Variants in SUV39H2 observed in about 807,000 individuals in gnomAD.
SUV39H2 encodes SUV39H2 histone lysine methyltransferase.
A neutral mutation model predicts 47.5 loss-of-function variants in SUV39H2; 10 were observed. The observed-to-expected ratio is 0.21, with a 90% CI of 0.13 to 0.36. The LOEUF (loss-of-function observed/expected upper bound fraction) is 0.36. Ranked by LOEUF, SUV39H2 falls within the 10% of genes least tolerant of loss-of-function variation. The pLI is 1.00. For synonymous variants in SUV39H2, 159 were observed against 166.8 expected (o/e 0.95, Z 0.36); for missense variants, 266 against 487.4 (o/e 0.55, Z 4.28).
Position 14,897,296 on chromosome 10 carries a change from T to C in SUV39H2, c.628T>C (p.Leu210=). The C allele has an allele frequency of 6.2e-7, 1 of 1,613,684 alleles. No individual in the cohort carries two copies. Among genetic ancestry groups the C allele is most frequent in the Middle Eastern group, 1.7e-4 (1 of 6,060 alleles). Residue 210 remains leucine, a synonymous_variant, in exon 3 of 6, where the codon TTG becomes CTG. Coordinates refer to ENST00000354919, the MANE Select transcript of SUV39H2 (RefSeq NM_001193424.2). ...KCCPAEAGVL[L]AYNKNQQIKI... Reference sequence around the variant, plus strand: ...TTGTCCTGCTGAAGCTGGAGTTCTTTTGGCTTATAATAAAAACCAACAAAT... The same window carrying C: ...TTGTCCTGCTGAAGCTGGAGTTCTTCTGGCTTATAATAAAAACCAACAAAT...
chr10:14,879,442 T>TC (rs1186484027), intron 1 of SUV39H2, among the ~76,000 whole-genome samples: 1 of 151,840 alleles, frequency 6.6e-6, no homozygotes, highest in African/African-American at 2.4e-5. Flanking sequence ...AAGCGAGGAA[T>TC]CCCCCCCAAG....
At chr10:14,879,151 C>G in intron 1 of SUV39H2, 4 of 1,222,370 alleles carry the variant, frequency 3.3e-6, no homozygotes, top group South Asian at 3.5e-5. Flanking sequence ...GAGCCTGGGG[C>G]ACTTCGGAAG....
Position 14,882,701 on chromosome 10 carries a change from T to C in SUV39H2, c.177+1056T>C, listed in dbSNP as rs115003148. ...GATTACTTTTCTGGGTTTCTTACTC[T>C]ATCCATTTCTCATTTTCTGCTGAAG... On this transcript the variant is annotated intron_variant, in intron 2 of 5. Transcript: ENST00000354919. Among the ~76,000 whole-genome samples, 1,249 of 152,326 alleles carry C rather than the reference T, an allele frequency of 8.2e-3. 23 individuals are homozygous for C. The highest frequency in any genetic ancestry group is 0.028 in the African/African-American group (1,174 of 41,554).
chr10:14,889,900 G>A (rs1353977854), intron 2 of SUV39H2, among the ~76,000 whole-genome samples: 2 of 152,134 alleles, frequency 1.3e-5, no homozygotes, highest in African/African-American at 4.8e-5. Flanking sequence ...CCTTCATACA[G>A]AATAATTTCT....
At chr10:14,894,745 G>A (rs966424061) in intron 2 of SUV39H2, among the ~76,000 whole-genome samples, 2 of 152,104 alleles carry the variant, frequency 1.3e-5, no homozygotes, top group Non-Finnish European at 2.9e-5. Context: ...CAGATAGTGG[G>A]GATAAAATAA....
intron 2 of SUV39H2, among the ~76,000 whole-genome samples, chr10:14,893,413 A>C (rs868073209): frequency 2.6e-5 from 4 of 152,214 alleles, no homozygotes; most frequent in Non-Finnish European, 5.9e-5. Flanking sequence ...AAAAAAATTC[A>C]TATGATGTAT....
At chr10:14,895,439 G>T (rs558542730) in intron 2 of SUV39H2, among the ~76,000 whole-genome samples, 1 of 152,092 alleles carries the variant, frequency 6.6e-6, no homozygotes, top group Non-Finnish European at 1.5e-5. Flanking sequence ...GCCTCCCAAA[G>T]TGCTGGGATT....
At chr10:14,885,006 C>A (rs1833160299) in intron 2 of SUV39H2, among the ~76,000 whole-genome samples, 1 of 152,196 alleles carries the variant, frequency 6.6e-6, no homozygotes, top group South Asian at 2.1e-4. Flanking sequence ...ATTCCTACTT[C>A]TTTTCCACCT....
At chr10:14,895,914 GT>G (rs577176593) in intron 2 of SUV39H2, among the ~76,000 whole-genome samples, 267 of 137,278 alleles carry the variant, frequency 1.9e-3, no homozygotes, top group African/African-American at 4.2e-3. Flanking sequence ...TTCAGTGTGG[GT>G]TTTTTTTTTT....
chr10:14,902,632 G>A lies in SUV39H2; in HGVS notation c.*120G>A. ...CTACCTATGTTAATTTACAATTCAT[G>A]TTTCAAGACATTTGCCAAATGTATT... On this transcript the variant is annotated 3_prime_UTR_variant, in exon 6 of 6. Coordinates refer to ENST00000354919, the MANE Select transcript of SUV39H2 (RefSeq NM_001193424.2). 1.5e-6 allele frequency: 1 copy of A among 670,742 alleles called. No individual in the cohort carries two copies. Among genetic ancestry groups the A allele is most frequent in the Non-Finnish European group, 2.4e-6 (1 of 420,336 alleles). 41.5% of individuals were successfully genotyped at this position (670,742 alleles called of 1,614,324 possible). A position where few individuals can be genotyped will look rare whatever the true frequency, so the allele number is the denominator to read the frequency against.
rs1384824187 is a variant in SUV39H2 at position 14,894,588 on chromosome 10, C to T, written c.178-2258C>T. Among the ~76,000 whole-genome samples the T allele has an allele frequency of 1.0e-4, 6 of 58,708 alleles. 1 individual carries two copies. The highest frequency in any genetic ancestry group is 1.7e-4 in the Non-Finnish European group (6 of 35,364). The allele number at this position is 58,708 out of a possible 152,430, so 38.5% of individuals were successfully genotyped here. On this transcript the variant is annotated intron_variant, in intron 2 of 5. Transcript: ENST00000354919. ...TTCACCGTGTTAGCCAAGATGGTCT[C>T]GATCTCCTGACCTCGTGATCCGCCC...
chr10:14,900,654 C>T (rs1833943308), intron 4 of SUV39H2, among the ~76,000 whole-genome samples: 1 of 152,142 alleles, frequency 6.6e-6, no homozygotes, highest in African/African-American at 2.4e-5. Flanking sequence ...ATTCTCAAAA[C>T]ATTGAAGAGT....
At chr10:14,885,512 G>A (rs1395379683) in intron 2 of SUV39H2, among the ~76,000 whole-genome samples, 4 of 152,166 alleles carry the variant, frequency 2.6e-5, no homozygotes, top group Non-Finnish European at 4.4e-5. Flanking sequence ...CTTACATTAA[G>A]GGAGCTACCA....
At chr10:14,899,173 T>C (rs1481358951) in intron 3 of SUV39H2, 2 of 700,690 alleles carry the variant, frequency 2.9e-6, no homozygotes, top group South Asian at 3.0e-5. Flanking sequence ...ACTAAATCAT[T>C]AGCTGGGCAT....
chr10:14,895,272 G>C lies in SUV39H2; in HGVS notation c.178-1574G>C, dbSNP rs575106211. 4.6e-4 allele frequency among the ~76,000 whole-genome samples: 70 copies of C among 151,726 alleles called. No individual in the cohort carries two copies. The South Asian group carries it at 8.3e-3, about 18-fold the overall frequency. On this transcript the variant is annotated intron_variant, in intron 2 of 5. Transcript: ENST00000354919. ...GCTCACTGCAACCTCCTCCTCCTGG[G>C]TTCAGGCGATTCTCCTGCCTCAGCC...
At position 14,897,816 on chromosome 10, in the gene SUV39H2, C is replaced by T. The variant is rs1030711387; in HGVS notation, c.849+299C>T. The T allele has an allele frequency of 1.7e-4, 33 of 189,980 alleles. No homozygotes were observed. In the East Asian group the frequency reaches 2.3e-3, roughly 13 times the overall value. 11.8% of individuals were successfully genotyped at this position (189,980 alleles called of 1,614,324 possible). Reference sequence around the variant, plus strand: ...TTAAAATATGACAACTGTTTTTACCCAAAAGTCCTAAGAAGAAACTCAGAT... The same window carrying T: ...TTAAAATATGACAACTGTTTTTACCTAAAAGTCCTAAGAAGAAACTCAGAT... On this transcript the variant is annotated intron_variant, in intron 3 of 5. Transcript: ENST00000354919.
intron 2 of SUV39H2, among the ~76,000 whole-genome samples, chr10:14,883,605 T>G (rs1380443047): frequency 6.8e-6 from 1 of 147,470 alleles, no homozygotes; most frequent in Non-Finnish European, 1.5e-5. Context: ...CTCAGGAGGC[T>G]GAGGCAGGAG....
chr10:14,896,864 G>A lies in SUV39H2; in HGVS notation c.196G>A (p.Val66Ile). ...KVVKDMEYYL[V>I]KWKGWPDSTN... ...TTTTAAGGATATGGAATATTATCTT[G>A]TAAAATGGAAAGGATGGCCAGATTC... Residue 66 changes from valine (V) to isoleucine (I), a missense_variant, in exon 3 of 6, where the codon GTA becomes ATA. Transcript: ENST00000354919. 2 of 1,583,162 alleles carry A rather than the reference G, an allele frequency of 1.3e-6. No homozygotes were observed. The highest frequency in any genetic ancestry group is 1.7e-6 in the Non-Finnish European group (2 of 1,163,346).
chr10:14,897,682 A>C, intron 3 of SUV39H2, 165 bp downstream of exon 3: 1 of 548,982 alleles, frequency 1.8e-6, no homozygotes, highest in South Asian at 8.9e-5. Flanking sequence ...TGGCATATTT[A>C]GAAATAAAAA....
Sources: allele counts gnomAD v4.1 joint callset (sites outside exome capture counted in the v4.1 genomes callset), GRCh38; gene constraint gnomAD v4.1.1; transcripts MANE v1.5; gene names NCBI Gene and HGNC (gene_info 2026-07-23, HGNC 2026-07-21).